Variants in BICD1 observed in about 807,000 individuals in gnomAD.
The protein encoded by BICD1 is BICD cargo adaptor 1.
BICD1 carries 35 observed loss-of-function variants against 92.5 expected under a neutral mutation model. That is an observed-to-expected ratio of 0.38 (90% CI 0.29 to 0.50). BICD1 has a LOEUF of 0.50. Ranked by LOEUF, BICD1 falls within the 20% of genes least tolerant of loss-of-function variation. BICD1 has a pLI of 0.93. For synonymous variants in BICD1, 429 were observed against 465.1 expected (o/e 0.92, Z 1.00); for missense variants, 950 against 1,189.8 (o/e 0.80, Z 2.97).
rs1247672339 is a variant in BICD1, at chr12:32,345,932, T to C, written c.2764+6953T>C. Reference sequence around the variant, plus strand: ...TGGGAGGCCAAAATGAAGGATCACTTGAGCCCAGGAGTTCAAGACCAGCCT... The same window carrying C: ...TGGGAGGCCAAAATGAAGGATCACTCGAGCCCAGGAGTTCAAGACCAGCCT... On this transcript the variant is annotated intron_variant, in intron 8 of 9. Transcript: ENST00000652176. Among the ~76,000 whole-genome samples the C allele has an allele frequency of 3.3e-5, 5 of 152,338 alleles. No individual in the cohort carries two copies. In the East Asian group the frequency reaches 5.8e-4, roughly 18 times the overall value.
chr12:32,310,059 G>A (rs1948333629), intron 4 of BICD1, among the ~76,000 whole-genome samples: 1 of 152,144 alleles, frequency 6.6e-6, no homozygotes, highest in Non-Finnish European at 1.5e-5. Flanking sequence ...ACAGTGTAGA[G>A]GGGCACAGGC....
rs758744488 is a variant in BICD1 at position 32,149,892 on chromosome 12, G to A, written c.213+42348G>A. On this transcript the variant is annotated intron_variant, in intron 1 of 9. Transcript: ENST00000652176. ...CAGAGCACCTACTTGTAATACTATC[G>A]TATTCGTTCGTTCTCATGCTGCTAA... 1.5e-4 allele frequency among the ~76,000 whole-genome samples: 23 copies of A among 152,140 alleles called. 1 individual carries two copies. The highest frequency in any genetic ancestry group is 4.1e-4 in the South Asian group (2 of 4,826).
chr12:32,331,441 A>G (rs1937865749), intron 5 of BICD1, among the ~76,000 whole-genome samples: 1 of 152,298 alleles, frequency 6.6e-6, no homozygotes, highest in South Asian at 2.1e-4. Context: ...CAGGTTGAGT[A>G]TCCCTTTTCC....
At chr12:32,141,079 G>T (rs1338839994) in intron 1 of BICD1, among the ~76,000 whole-genome samples, 1 of 152,180 alleles carries the variant, frequency 6.6e-6, no homozygotes, top group East Asian at 1.9e-4. Context: ...TATAAGTTCA[G>T]AGCCATGTTT....
At chr12:32,307,384 T>C (rs1420756945) in intron 4 of BICD1, among the ~76,000 whole-genome samples, 1 of 152,188 alleles carries the variant, frequency 6.6e-6, no homozygotes, top group South Asian at 2.1e-4. Flanking sequence ...TAGTTTAGAG[T>C]CTTGCCTTCC....
intron 8 of BICD1, among the ~76,000 whole-genome samples, chr12:32,343,240 G>C (rs957505853): frequency 2.0e-5 from 3 of 152,150 alleles, no homozygotes; most frequent in African/African-American, 7.2e-5. Flanking sequence ...CAGATTGTAT[G>C]TCTTCACAAA....
At chr12:32,267,152 G>A (rs76455743) in intron 2 of BICD1, among the ~76,000 whole-genome samples, 7,026 of 152,194 alleles carry the variant, frequency 0.046, 224 homozygotes, top group Middle Eastern at 0.11. Context: ...CCATGCAATC[G>A]AAAGATCACA....
chr12:32,296,764 T>A (rs1396534871), intron 3 of BICD1, among the ~76,000 whole-genome samples: 1 of 152,158 alleles, frequency 6.6e-6, no homozygotes, highest in Admixed American at 6.5e-5. Flanking sequence ...ACTGATGGAC[T>A]CAGGAGGTTA....
In BICD1 at chr12:32,340,121, T is replaced by C. The variant is rs1255245221; in HGVS notation, c.2764+1142T>C. On this transcript the variant is annotated intron_variant, in intron 8 of 9. Coordinates refer to ENST00000652176, the MANE Select transcript of BICD1 (RefSeq NM_001714.4). ...TTTTTTCATTTTACCTTAATTCCTT[T>C]TTGCAAACCTCAGCCTTTGGATCTC... The C allele has an allele frequency of 1.2e-5, 12 of 985,320 alleles. No homozygotes were observed. In the Admixed American group the frequency reaches 7.4e-4, roughly 61 times the overall value. 61.0% of individuals were successfully genotyped at this position (985,320 alleles called of 1,614,324 possible). A position where few individuals can be genotyped will look rare whatever the true frequency, so the allele number is the denominator to read the frequency against.
intron 2 of BICD1, among the ~76,000 whole-genome samples, chr12:32,279,898 A>G (rs1305262300): frequency 6.6e-6 from 1 of 152,192 alleles, no homozygotes; most frequent in Non-Finnish European, 1.5e-5. Flanking sequence ...CGGGAGTTCG[A>G]GACCAGCCTG....
rs760204298 is a variant in BICD1 at position 32,216,312 on chromosome 12, G to A, written c.279G>A (p.Thr93=). 13 of 1,614,002 alleles carry A rather than the reference G, an allele frequency of 8.1e-6. No homozygotes were observed. Among genetic ancestry groups the A allele is most frequent in the Non-Finnish European group, 1.1e-5 (13 of 1,180,034 alleles). ...AAGATGGAGAGACTCGGGAGGAAAC[G>A]CTTCTGCAGGAGTCAGCATCGAAGG... ...VAEDGETREE[T]LLQESASKEA... is the part of the protein sequence containing the mutation. Residue 93 remains threonine, a synonymous_variant, in exon 2 of 10, where the codon ACG becomes ACA. Transcript: ENST00000652176.
At chr12:32,347,038 G>T (rs576471478) in intron 8 of BICD1, among the ~76,000 whole-genome samples, 1 of 146,894 alleles carries the variant, frequency 6.8e-6, no homozygotes, top group East Asian at 2.1e-4. Flanking sequence ...CGCAACCTCC[G>T]CCTCCCAGGT....
intron 6 of BICD1, 42 bp downstream of exon 6, chr12:32,334,709 G>C: frequency 6.3e-7 from 1 of 1,576,148 alleles, no homozygotes; most frequent in African/African-American, 1.4e-5. Flanking sequence ...GGTAGGTGGG[G>C]TAAAGGCTTT....
chr12:32,312,074 C>T (rs1948396468), intron 4 of BICD1, among the ~76,000 whole-genome samples: 2 of 152,138 alleles, frequency 1.3e-5, no homozygotes, highest in South Asian at 2.1e-4. Flanking sequence ...TTAGTCCTCA[C>T]CTCTGCCTTA....
At chr12:32,168,658 T>C (rs771718657) in intron 1 of BICD1, among the ~76,000 whole-genome samples, 13 of 152,074 alleles carry the variant, frequency 8.5e-5, no homozygotes, top group Non-Finnish European at 1.9e-4. Context: ...CTTAATCGGG[T>C]CCACTGTGTA....
chr12:32,219,868 C>T (rs2121560700), intron 2 of BICD1, among the ~76,000 whole-genome samples: 1 of 152,212 alleles, frequency 6.6e-6, no homozygotes, highest in South Asian at 2.1e-4. Flanking sequence ...GTAACCAAAA[C>T]AGCATGGTAC....
chr12:32,175,886 C>T (rs185737713), intron 1 of BICD1, among the ~76,000 whole-genome samples: 68 of 152,244 alleles, frequency 4.5e-4, no homozygotes, highest in African/African-American at 1.5e-3. Flanking sequence ...AATCCCTGTT[C>T]GCACCTTTAC....
At chr12:32,156,549 A>AGG (rs1467775738) in intron 1 of BICD1, among the ~76,000 whole-genome samples, 3 of 152,208 alleles carry the variant, frequency 2.0e-5, no homozygotes, top group Admixed American at 2.0e-4. Context: ...ACTCTCTGGG[A>AGG]GATCACCGTG....
chr12:32,246,776 A>T (rs1230338310), intron 2 of BICD1, among the ~76,000 whole-genome samples: 1 of 152,228 alleles, frequency 6.6e-6, no homozygotes, highest in Non-Finnish European at 1.5e-5. Flanking sequence ...CTGTAGGCAC[A>T]AGAGATACAG....
Sources: gnomAD v4.1 joint callset for allele counts (sites outside exome capture counted in the v4.1 genomes callset) on GRCh38, gnomAD v4.1.1 for gene constraint, MANE v1.5 for transcripts, NCBI Gene and HGNC (gene_info 2026-07-23, HGNC 2026-07-21) for gene names.